The following ZFYVE26 variants were observed in gnomAD, a reference collection of about 807,000 sequenced individuals.
The protein encoded by ZFYVE26 is zinc finger FYVE domain-containing protein 26.
ZFYVE26 carries 181 observed loss-of-function variants against 276.5 expected under a neutral mutation model. The observed-to-expected ratio is 0.65, with a 90% confidence interval of 0.58 to 0.74. The LOEUF (loss-of-function observed/expected upper bound fraction) is 0.74. ZFYVE26 is among the 30% of genes least tolerant of loss of function. ZFYVE26 has a pLI of 0.00. For synonymous variants in ZFYVE26, 1,129 were observed against 1,203.1 expected, an observed-to-expected ratio of 0.94 and a Z score of 1.27; for missense variants, 2,821 against 3,097.9, an observed-to-expected ratio of 0.91 and a Z score of 2.12.
intron 13 of ZFYVE26, chr14:67,729,832 A>G (rs1380023352): frequency 1.1e-5 from 5 of 469,252 alleles, no homozygotes; most frequent in East Asian, 6.2e-5. Context: ...GTTGAAATAT[A>G]GAAGTAGAAA....
rs2140199253 is a variant in ZFYVE26 at position 67,766,244 on chromosome 14, G to C, written c.5994C>G (p.Asp1998Glu). The change falls in exon 32 of 42, where the codon GAC (aspartate) becomes GAG (glutamate). Residue 1998 changes from aspartate (D) to glutamate (E), a missense_variant. Asp to Glu is a conservative substitution (Grantham distance 45, BLOSUM62 2). Transcript: ENST00000347230. ...CCCTCTACCTGTCACAAAGAGCCAA[G>C]TCTTGGCTCTGGCCGGCTTTGACGA... ...MMFVKAGQSQDLALCDSYISK... is the reference protein window; with the variant it reads ...MMFVKAGQSQELALCDSYISK... 1.9e-6 allele frequency: 3 copies of C among 1,614,094 alleles called. No homozygotes were observed. Among genetic ancestry groups the C allele is most frequent in the Non-Finnish European group, 2.5e-6 (3 of 1,180,046 alleles).
At chr14:67,809,108 A>C (rs575768801) in intron 4 of ZFYVE26, 92 bp downstream of exon 4, 1 of 1,122,830 alleles carries the variant, frequency 8.9e-7, no homozygotes, top group Non-Finnish European at 1.4e-6. Context: ...TATGGGCAAC[A>C]TCTTGGAGAC....
chr14:67,745,003 T>C (rs2038464362), downstream of ZFYVE26, among the ~76,000 whole-genome samples: 1 of 152,196 alleles, frequency 6.6e-6, no homozygotes, highest in African/African-American at 2.4e-5. Flanking sequence ...TCTTCCACAA[T>C]GGTTGAACTA....
At chr14:67,796,631 T>C (rs2039958764) in intron 12 of ZFYVE26, 1 of 152,148 alleles carries the variant, frequency 6.6e-6, no homozygotes, top group Non-Finnish European at 1.5e-5. Flanking sequence ...ATCCCTTAAA[T>C]ATGTACAATT....
chr14:67,736,732 C>T (rs555810365), intron 13 of ZFYVE26, among the ~76,000 whole-genome samples: 5 of 152,248 alleles, frequency 3.3e-5, no homozygotes, highest in African/African-American at 4.8e-5. Flanking sequence ...AAACGGACTT[C>T]GAGATACAGA....
intron 11 of ZFYVE26, 128 bp from the exon 12 acceptor site, chr14:67,797,883 C>T (rs931499788): frequency 4.4e-6 from 7 of 1,581,860 alleles, no homozygotes; most frequent in Admixed American, 3.3e-5. Flanking sequence ...AGTGTTCTGA[C>T]ACTGGTTGCC....
At chr14:67,729,938 A>T in intron 13 of ZFYVE26, 1 of 405,116 alleles carries the variant, frequency 2.5e-6, no homozygotes, top group Non-Finnish European at 4.9e-6. Context: ...TCCATGACAG[A>T]ATCCAGCCCT....
At chr14:67,750,051 C>T (rs913274825) in intron 41 of ZFYVE26, among the ~76,000 whole-genome samples, 1 of 152,158 alleles carries the variant, frequency 6.6e-6, no homozygotes, top group Non-Finnish European at 1.5e-5. Context: ...CGTCTCTGTC[C>T]TGCTGAGTGG....
intron 35 of ZFYVE26, chr14:67,760,783 T>G (rs2140191874): frequency 5.7e-6 from 1 of 174,316 alleles, no homozygotes; most frequent in African/African-American, 2.4e-5. Context: ...GATTGCTTAT[T>G]AAGAGCTCCA....
chr14:67,805,360 AT>A, intron 7 of ZFYVE26, 55 bp from the exon 8 acceptor site: 1 of 1,613,648 alleles, frequency 6.2e-7, no homozygotes, highest in South Asian at 1.1e-5. Flanking sequence ...GGGGTTACAG[AT>A]TATGACTGAT....
In ZFYVE26 at chr14:67,802,164, G is replaced by A. The variant is rs759327625; in HGVS notation, c.1554C>T (p.His518=). 69 of 1,614,054 alleles carry A rather than the reference G, an allele frequency of 4.3e-5. No homozygotes were observed. Among genetic ancestry groups the A allele is most frequent in the Non-Finnish European group, 5.8e-5 (68 of 1,180,046 alleles). Residue 518 remains histidine, a synonymous_variant, in exon 10 of 42, where the codon CAC becomes CAT. Transcript: ENST00000347230. ...TGTCTTTGCAGTCCTGGCACTGGGA[G>A]TGCTGGTGTGAGTTTACACAGAGGG... ...IYALCVNSHQ[H]SQCQDCKDSL... is the part of the protein sequence containing the mutation.
chr14:67,781,641 G>A (rs967829274), intron 21 of ZFYVE26, 112 bp from the exon 22 acceptor site: 1 of 979,600 alleles, frequency 1.0e-6, no homozygotes, highest in South Asian at 1.4e-5. Context: ...AGAGGAGCTT[G>A]GAGGATCCTT....
Position 67,793,733 on chromosome 14 carries a change from G to A in ZFYVE26, c.2428C>T (p.Arg810Trp), listed in dbSNP as rs774939522. ...TGCAATCTACTGTGCAGCTCATTCC[G>A]GCCAGACATGGCACTCAGACTTCCC... is the stretch of plus-strand genomic sequence containing the variant. ...SEGSLSAMSG[R>W]NELHSRLHPH... Residue 810 changes from arginine to tryptophan, a missense_variant, in exon 14 of 42, where the codon CGG becomes TGG. Transcript: ENST00000347230. 8 of 1,613,700 alleles carry A rather than the reference G, an allele frequency of 5.0e-6. No individual in the cohort carries two copies. Among genetic ancestry groups the A allele is most frequent in the Middle Eastern group, 1.6e-4 (1 of 6,082 alleles).
At chr14:67,769,779 G>T in intron 28 of ZFYVE26, 49 bp from the exon 29 acceptor site, 1 of 1,611,910 alleles carries the variant, frequency 6.2e-7, no homozygotes. Flanking sequence ...GAGAAGGGGA[G>T]ATTGCCATCA....
rs138449449 is a variant in ZFYVE26 at position 67,751,648 on chromosome 14, T to C, written c.7372-552A>G. On this transcript the variant is annotated intron_variant, in intron 40 of 41. Transcript: ENST00000347230. Reference sequence around the variant, plus strand: ...CAGCACTTTGGGAGGCCGAGGTGGGTAGATCATGAGGTCAGGAGACGGAGA... The same window carrying C: ...CAGCACTTTGGGAGGCCGAGGTGGGCAGATCATGAGGTCAGGAGACGGAGA... The C allele has an allele frequency of 4.7e-3, 873 of 187,136 alleles. 48 individuals carry two copies. In the East Asian group the frequency reaches 0.097, roughly 21 times the overall value. 11.6% of individuals were successfully genotyped at this position (187,136 alleles called of 1,614,324 possible). A position where few individuals can be genotyped will look rare whatever the true frequency, so the allele number is the denominator to read the frequency against.
intron 23 of ZFYVE26, among the ~76,000 whole-genome samples, chr14:67,779,776 G>C (rs775092650): frequency 3.3e-5 from 5 of 152,144 alleles, no homozygotes; most frequent in Non-Finnish European, 7.3e-5. Context: ...TCTCAGGTAT[G>C]AACACAGGAT....
chr14:67,741,012 T>C (rs1453799637), intron 13 of ZFYVE26, among the ~76,000 whole-genome samples: 1 of 152,174 alleles, frequency 6.6e-6, no homozygotes, highest in Non-Finnish European at 1.5e-5. Context: ...GACAAGAATA[T>C]AGACCCTCGA....
intron 9 of ZFYVE26, 105 bp from the exon 10 acceptor site, chr14:67,802,387 AG>A: frequency 8.7e-7 from 1 of 1,148,970 alleles, no homozygotes; most frequent in East Asian, 2.5e-5. Context: ...GTCCACTTGT[AG>A]GTTCTTACCC....
Position 67,768,488 on chromosome 14 carries a change from G to GA in ZFYVE26, c.5653+28dup, listed in dbSNP as rs570425496. Reference sequence around the variant, plus strand: ...GAGTCAACTTAAGTACACAAATGAAGAGTCACAGAGAACGGGATTTGGCCT... The same window carrying GA: ...GAGTCAACTTAAGTACACAAATGAAGAAGTCACAGAGAACGGGATTTGGCCT... On this transcript the variant is annotated intron_variant, in intron 30 of 41. Coordinates refer to ENST00000347230, the MANE Select transcript of ZFYVE26 (RefSeq NM_015346.4). 299 of 1,612,694 alleles carry GA rather than the reference G, an allele frequency of 1.9e-4. No homozygotes were observed. The African/African-American group carries it at 3.6e-3, about 20-fold the overall frequency.
Sources: allele counts gnomAD v4.1 joint callset (sites outside exome capture counted in the v4.1 genomes callset), GRCh38; gene constraint gnomAD v4.1.1; transcripts MANE v1.5; gene names NCBI Gene and HGNC (gene_info 2026-07-23, HGNC 2026-07-21).